The following TMCO5A variants were observed in gnomAD, a reference collection of about 807,000 sequenced individuals.
The protein encoded by TMCO5A is transmembrane and coiled-coil domain-containing protein 5A.
TMCO5A carries 34 observed loss-of-function variants against 42.3 expected under a neutral mutation model. The observed-to-expected ratio is 0.80, with a 90% CI of 0.61 to 1.07. TMCO5A has a LOEUF of 1.07. Ranked by LOEUF, TMCO5A falls within the 50% of genes least tolerant of loss-of-function variation. The pLI is 0.00. For missense variants in TMCO5A, 357 were observed against 327.9 expected (o/e 1.09, Z -0.69); for synonymous variants, 131 against 115.6 (o/e 1.13, Z -0.86).
the TMCO5A span, among the ~76,000 whole-genome samples, chr15:38,018,208 T>C: frequency 6.6e-6 from 1 of 152,176 alleles, no homozygotes. Context: ...GGCAAGCCTT[T>C]ACTGGTAAAC....
chr15:38,013,037 G>T, the TMCO5A span, among the ~76,000 whole-genome samples: 6 of 152,166 alleles, frequency 3.9e-5, no homozygotes, highest in Non-Finnish European at 7.3e-5. Flanking sequence ...AGAAGTCACA[G>T]TTGGTCCATA....
intron 8 of TMCO5A, among the ~76,000 whole-genome samples, chr15:37,941,983 A>C (rs767995475): frequency 6.6e-6 from 1 of 152,088 alleles, no homozygotes. Flanking sequence ...TGCTATTTAT[A>C]ATGTCAATGA....
At chr15:37,995,272 C>A in the TMCO5A span, among the ~76,000 whole-genome samples, 5 of 152,174 alleles carry the variant, frequency 3.3e-5, no homozygotes, top group Non-Finnish European at 7.4e-5. Flanking sequence ...CCCACTCCCC[C>A]AATCATGCTC....
At chr15:37,971,895 C>A (rs1412559287), downstream of TMCO5A, among the ~76,000 whole-genome samples, 2 of 152,336 alleles carry the variant, frequency 1.3e-5, no homozygotes, top group East Asian at 1.9e-4. Context: ...TGCCATTTAA[C>A]AAGTCTCTAG....
downstream of TMCO5A, among the ~76,000 whole-genome samples, chr15:37,971,408 C>T (rs1044942159): frequency 2.0e-5 from 3 of 152,180 alleles, no homozygotes; most frequent in Admixed American, 2.0e-4. Context: ...GCAATTTCTT[C>T]CTTCTAGGCC....
intron 2 of TMCO5A, 147 bp downstream of exon 2, chr15:37,935,495 G>A (rs187834912): frequency 6.6e-6 from 1 of 152,182 alleles, no homozygotes; most frequent in East Asian, 1.9e-4. Context: ...GCCCTTCCAA[G>A]ATAGGACTTA....
At chr15:37,997,714 T>A in the TMCO5A span, among the ~76,000 whole-genome samples, 10 of 152,204 alleles carry the variant, frequency 6.6e-5, no homozygotes, top group Non-Finnish European at 4.4e-5. Context: ...CCTTTTCTTG[T>A]GGGTATATGC....
chr15:38,037,155 A>G, the TMCO5A span, among the ~76,000 whole-genome samples: 138 of 152,374 alleles, frequency 9.1e-4, no homozygotes, highest in African/African-American at 3.3e-3. Context: ...TAACACATCA[A>G]CAACAAGTAA....
intron 9 of TMCO5A, 152 bp from the exon 10 acceptor site, chr15:37,943,189 C>G: frequency 1.7e-6 from 1 of 593,774 alleles, no homozygotes; most frequent in Non-Finnish European, 2.7e-6. Context: ...ATTAATTTAA[C>G]TTTAATTAAT....
At chr15:37,959,590 T>A (rs1278708662) in intron 11 of TMCO5A, among the ~76,000 whole-genome samples, 2 of 152,066 alleles carry the variant, frequency 1.3e-5, no homozygotes, top group Admixed American at 1.3e-4. Context: ...AAAAACCCTA[T>A]GTTCATTTCA....
chr15:38,014,687 G>C, the TMCO5A span, among the ~76,000 whole-genome samples: 1 of 151,674 alleles, frequency 6.6e-6, no homozygotes, highest in African/African-American at 2.4e-5. Context: ...TGTTTAATGT[G>C]TTTCCCTTTC....
chr15:37,981,327 A>C, the TMCO5A span, among the ~76,000 whole-genome samples: 513 of 152,296 alleles, frequency 3.4e-3, 4 homozygotes, highest in African/African-American at 0.012. Context: ...TTATTTTAAA[A>C]GATAAGAAAG....
the TMCO5A span, among the ~76,000 whole-genome samples, chr15:38,015,826 T>C: frequency 6.6e-6 from 1 of 152,328 alleles, no homozygotes; most frequent in African/African-American, 2.4e-5. Flanking sequence ...TTTTACTATA[T>C]GATTTCAACT....
At chr15:37,963,020 C>A (rs1364667840) in intron 11 of TMCO5A, among the ~76,000 whole-genome samples, 1 of 151,458 alleles carries the variant, frequency 6.6e-6, no homozygotes, top group Non-Finnish European at 1.5e-5. Context: ...TTTTGTATTT[C>A]TTTTGTTGTT....
chr15:38,031,161 A>C, the TMCO5A span, among the ~76,000 whole-genome samples: 8 of 152,130 alleles, frequency 5.3e-5, no homozygotes, highest in Non-Finnish European at 7.3e-5. Flanking sequence ...CTTCAGGGAG[A>C]GTAATCCTGC....
chr15:38,038,421 T>C, the TMCO5A span, among the ~76,000 whole-genome samples: 360 of 152,030 alleles, frequency 2.4e-3, 2 homozygotes, highest in African/African-American at 8.4e-3. Flanking sequence ...TTTTTTTTTT[T>C]TGAGACGGAG....
At chr15:37,942,163 C>CTG in intron 8 of TMCO5A, 28 bp from the exon 9 acceptor site, 1 of 1,606,394 alleles carries the variant, frequency 6.2e-7, no homozygotes, top group Non-Finnish European at 8.5e-7. Context: ...TAAGTAGTAA[C>CTG]TGTGGCTTTC....
chr15:37,954,860 T>C (rs1355965429), downstream of TMCO5A, among the ~76,000 whole-genome samples: 1 of 152,082 alleles, frequency 6.6e-6, no homozygotes, highest in East Asian at 1.9e-4. Context: ...TTTATTCAAG[T>C]AATGTTAAGT....
chr15:38,007,919 A>G, the TMCO5A span, among the ~76,000 whole-genome samples: 313 of 89,168 alleles, frequency 3.5e-3, 1 homozygote, highest in African/African-American at 0.013. Context: ...TTTGTGAGAC[A>G]GAGTCTCTCT....
Sources: gnomAD v4.1 joint callset for allele counts (sites outside exome capture counted in the v4.1 genomes callset) on GRCh38, gnomAD v4.1.1 for gene constraint, MANE v1.5 for transcripts, NCBI Gene and HGNC (gene_info 2026-07-23, HGNC 2026-07-21) for gene names.